Variants in GYS1 observed in about 807,000 individuals in gnomAD.
GYS1 encodes glycogen [starch] synthase, muscle.
In GYS1, 60 loss-of-function variants were observed where a neutral mutation model predicts 89.1. The observed-to-expected ratio is 0.67, with a 90% CI of 0.55 to 0.84. The LOEUF (loss-of-function observed/expected upper bound fraction) is 0.84, where lower values mean the gene tolerates loss of function less well. Ranked by LOEUF, GYS1 falls within the 40% of genes least tolerant of loss-of-function variation. The pLI, the probability that GYS1 is intolerant of heterozygous loss-of-function variation, is 0.00. For synonymous variants in GYS1, 366 were observed against 401.7 expected (o/e 0.91, Z 1.06); for missense variants, 888 against 1,003.1 (o/e 0.89, Z 1.55).
chr19:48,984,209 G>T (rs1326913120), intron 5 of GYS1, among the ~76,000 whole-genome samples: 1 of 151,964 alleles, frequency 6.6e-6, no homozygotes, highest in Non-Finnish European at 1.5e-5. Context: ...GTCTCACAAT[G>T]TTGGCCAGGC....
At chr19:48,972,978 CAAAT>C (rs757529066) in intron 12 of GYS1, among the ~76,000 whole-genome samples, 8 of 152,038 alleles carry the variant, frequency 5.3e-5, no homozygotes, top group African/African-American at 1.9e-4. Context: ...AAAAAAGAAA[CAAAT>C]AGTAAAATGT....
At chr19:48,982,644 GC>G in intron 6 of GYS1, 75 bp downstream of exon 6, 1 of 1,105,922 alleles carries the variant, frequency 9.0e-7, no homozygotes, top group Non-Finnish European at 1.4e-6. Flanking sequence ...GCCCCCAGCT[GC>G]CCCCTCCCCC....
chr19:48,991,946 C>A lies in GYS1; in HGVS notation c.119-463G>T, dbSNP rs1203481320. On this transcript the variant is annotated intron_variant, in intron 1 of 15. Coordinates refer to ENST00000323798, the MANE Select transcript of GYS1 (RefSeq NM_002103.5). The surrounding 1 kb of genome is among the most constrained non-coding windows in gnomAD (Gnocchi z 4.7). ...GGAGACCCCCTCATGGCCAATCCAG[C>A]TTCTCACCATTGCCCAAGAGAAGCC... is the stretch of plus-strand genomic sequence containing the variant. 2.6e-5 allele frequency among the ~76,000 whole-genome samples: 4 copies of A among 152,190 alleles called. No homozygotes were observed. The East Asian group carries it at 7.7e-4, about 29-fold the overall frequency.
chr19:48,977,918 C>A lies in GYS1; in HGVS notation c.1308+6G>T. On this transcript the variant is annotated splice_donor_region_variant and intron_variant, in intron 10 of 15. Transcript: ENST00000323798. ...CTATCTCTCTGCACAGAGGTCCAAT[C>A]CATACCTGCGTTGCAAAGATGGCTC... 5 of 1,609,556 alleles carry A rather than the reference C, an allele frequency of 3.1e-6. No individual in the cohort carries two copies. Among genetic ancestry groups the A allele is most frequent in the Non-Finnish European group, 4.3e-6 (5 of 1,175,890 alleles).
At chr19:48,979,589 A>G (rs1600140797) in intron 8 of GYS1, among the ~76,000 whole-genome samples, 1 of 147,584 alleles carries the variant, frequency 6.8e-6, no homozygotes. Flanking sequence ...TGCCCTCCTC[A>G]GCCTCCCAAA....
chr19:48,982,590 G>A lies in GYS1; in HGVS notation c.941+130C>T, dbSNP rs2270936. The A allele has an allele frequency of 3.9e-3, 3,428 of 868,480 alleles. 126 individuals are homozygous for A. The East Asian group carries it at 0.067, about 17-fold the overall frequency. The allele number at this position is 868,480 out of a possible 1,614,324, so 53.8% of individuals were successfully genotyped here. ...TGTTCCAGCGCTCAAGAATTAAGGA[G>A]GCCGAATACCCAGGTGCCCCCTCCC... On this transcript the variant is annotated intron_variant, in intron 6 of 15. Coordinates refer to ENST00000323798, the MANE Select transcript of GYS1 (RefSeq NM_002103.5).
rs574077209 is a variant in GYS1 at position 48,982,793 on chromosome 19, T to C, written c.868A>G (p.Met290Val). Residue 290 changes from methionine (M) to valine (V), a missense_variant, in exon 6 of 16, where the codon ATG (methionine) becomes GTG (valine). By Grantham distance (21) the Met-to-Val change is conservative. Transcript: ENST00000323798. ...NGLNVKKFSA[M>V]HEFQNLHAQS... ...GCATGGAGGTTCTGGAACTCATGCA[T>C]GGCAGAAAACTTCTTCACATTCAGC... 3 of 1,613,948 alleles carry C rather than the reference T, an allele frequency of 1.9e-6. No homozygotes were observed. The highest frequency in any genetic ancestry group is 2.2e-5 in the East Asian group (1 of 44,886).
chr19:48,970,274 AC>A, intron 14 of GYS1: 1 of 482,950 alleles, frequency 2.1e-6, no homozygotes, highest in Non-Finnish European at 3.8e-6. Context: ...ACAGGCACGC[AC>A]CATCACGCTC....
At chr19:48,980,037 A>C (rs537934860) in intron 8 of GYS1, among the ~76,000 whole-genome samples, 1 of 152,098 alleles carries the variant, frequency 6.6e-6, no homozygotes, top group African/African-American at 2.4e-5. Context: ...CTCAACCTCC[A>C]GGGCCAAAAT....
chr19:48,981,595 C>T lies in GYS1; in HGVS notation c.1104G>A (p.Met368Ile). The change falls in exon 8 of 16, where the codon ATG becomes ATA. Residue 368 changes from methionine (M) to isoleucine (I), a missense_variant. Met to Ile is a conservative substitution (Grantham distance 10). Coordinates refer to ENST00000323798, the MANE Select transcript of GYS1 (RefSeq NM_002103.5). Reference protein sequence around the residue: ...SEQTVVAFFIMPARTNNFNVE... With the variant: ...SEQTVVAFFIIPARTNNFNVE... ...CGTTGAAATTGTTGGTCCGCGCTGG[C>T]ATGATGAAGAAGGCAACCACTGTCT... 1 of 1,613,704 alleles carries T rather than the reference C, an allele frequency of 6.2e-7. No individual in the cohort carries two copies. Among genetic ancestry groups the T allele is most frequent in the South Asian group, 1.1e-5 (1 of 91,074 alleles).
intron 12 of GYS1, among the ~76,000 whole-genome samples, chr19:48,971,475 A>G (rs1160813412): frequency 6.6e-6 from 1 of 152,032 alleles, no homozygotes; most frequent in East Asian, 1.9e-4. Flanking sequence ...CAGAGCATCT[A>G]GTACGTCTTG....
At chr19:48,986,139 C>T in intron 3 of GYS1, 104 bp from the exon 4 acceptor site, 1 of 1,013,836 alleles carries the variant, frequency 9.9e-7, no homozygotes. Context: ...TCTGTCACCA[C>T]TACTGCACAG....
intron 10 of GYS1, among the ~76,000 whole-genome samples, chr19:48,975,629 G>A (rs2038633588): frequency 2.0e-5 from 3 of 151,782 alleles, no homozygotes; most frequent in Admixed American, 6.6e-5. Context: ...GTTTCCTTAT[G>A]AAAATTCACT....
intron 11 of GYS1, 106 bp from the exon 12 acceptor site, chr19:48,974,445 A>T: frequency 1.5e-6 from 2 of 1,328,762 alleles, no homozygotes; most frequent in Non-Finnish European, 2.2e-6. Flanking sequence ...ATCACACAGC[A>T]TGTGTTTGGC....
chr19:48,990,394 C>T (rs982707025), intron 2 of GYS1, among the ~76,000 whole-genome samples: 10 of 152,110 alleles, frequency 6.6e-5, no homozygotes, highest in Non-Finnish European at 1.2e-4. Flanking sequence ...CCCGATATTC[C>T]ATGCTTCTCT....
At chr19:48,977,857 G>A (rs2038683076) in intron 10 of GYS1, 67 bp downstream of exon 10, 4 of 1,188,522 alleles carry the variant, frequency 3.4e-6, no homozygotes, top group African/African-American at 3.0e-5. Context: ...GGTCTGAGCT[G>A]GCCTGGCAAG....
chr19:48,985,825 C>G (rs765226154), intron 4 of GYS1, 25 bp downstream of exon 4: 1 of 1,611,080 alleles, frequency 6.2e-7, no homozygotes, highest in East Asian at 2.2e-5. Flanking sequence ...CTCGCAGTCC[C>G]CCATCTGCCA....
Position 48,968,725 on chromosome 19 carries a change from G to A in GYS1, c.*563C>T, listed in dbSNP as rs1000870894. On this transcript the variant is annotated 3_prime_UTR_variant, in exon 16 of 16. Coordinates refer to ENST00000323798, the MANE Select transcript of GYS1 (RefSeq NM_002103.5). Reference sequence around the variant, plus strand: ...AGCCTGGCTCTGACATGCCAGGGAGGGCTAGAACATCCCTCCCAGAGCCCC... The same window carrying A: ...AGCCTGGCTCTGACATGCCAGGGAGAGCTAGAACATCCCTCCCAGAGCCCC... The A allele has an allele frequency of 3.1e-5, 14 of 453,976 alleles. No individual in the cohort carries two copies. The highest frequency in any genetic ancestry group is 6.8e-4 in the Middle Eastern group (1 of 1,466). 28.1% of individuals were successfully genotyped at this position (453,976 alleles called of 1,614,324 possible).
At chr19:48,984,592 C>T (rs1456812788) in intron 5 of GYS1, among the ~76,000 whole-genome samples, 3 of 151,962 alleles carry the variant, frequency 2.0e-5, no homozygotes, top group Non-Finnish European at 2.9e-5. Context: ...GATGGAGTTT[C>T]GCCATGTTGG....
Sources: allele counts gnomAD v4.1 joint callset (sites outside exome capture counted in the v4.1 genomes callset), GRCh38; gene constraint gnomAD v4.1.1; non-coding constraint Gnocchi (gnomAD v3.1); transcripts MANE v1.5; gene names NCBI Gene and HGNC (gene_info 2026-07-23, HGNC 2026-07-21).